The following SLC9A9 variants were observed in gnomAD, a reference collection of about 807,000 sequenced individuals.
The protein encoded by SLC9A9 is sodium/hydrogen exchanger 9.
In SLC9A9, 62 loss-of-function variants were observed where a neutral mutation model predicts 77.8. That is an observed-to-expected ratio of 0.80 (90% CI 0.65 to 0.98). The LOEUF is 0.98. Among genes scored for constraint, SLC9A9 ranks in the 50% least tolerant of loss-of-function variants. The pLI is 0.00. For synonymous variants in SLC9A9, 320 were observed against 283.5 expected, an observed-to-expected ratio of 1.13 and a Z score of -1.29; for missense variants, 775 against 774.9, an observed-to-expected ratio of 1.00 and a Z score of 0.00.
intron 4 of SLC9A9, among the ~76,000 whole-genome samples, chr3:143,727,918 G>A (rs147587396): frequency 3.9e-3 from 591 of 152,270 alleles, no homozygotes; most frequent in Admixed American, 8.2e-3. Context: ...TGTGCCAGAC[G>A]CTATATAGAG....
intron 9 of SLC9A9, among the ~76,000 whole-genome samples, chr3:143,534,624 A>C (rs761612414): frequency 6.6e-6 from 1 of 152,144 alleles, no homozygotes; most frequent in Non-Finnish European, 1.5e-5. Context: ...TACTCCCAGG[A>C]AGTGTCAGAA....
chr3:143,363,733 C>T (rs2032820671), intron 13 of SLC9A9, among the ~76,000 whole-genome samples, 170 bp from the exon 14 acceptor site: 1 of 152,160 alleles, frequency 6.6e-6, no homozygotes, highest in African/African-American at 2.4e-5. Flanking sequence ...GCTCATAAAT[C>T]TTGCTATGTG....
intron 14 of SLC9A9, among the ~76,000 whole-genome samples, chr3:143,277,034 G>A (rs1938071191): frequency 6.6e-6 from 1 of 152,204 alleles, no homozygotes; most frequent in Admixed American, 6.5e-5. Flanking sequence ...CCTATCAAAT[G>A]TTAAGATAAC....
chr3:143,629,202 T>A (rs758580721), intron 6 of SLC9A9, among the ~76,000 whole-genome samples: 42 of 152,270 alleles, frequency 2.8e-4, no homozygotes, highest in Non-Finnish European at 4.7e-4. Flanking sequence ...AAATAATTTA[T>A]CAATTAATAG....
In SLC9A9 at chr3:143,378,465, C is replaced by G. The variant is rs528399016; in HGVS notation, c.1524+3595G>C. 3.1e-4 allele frequency among the ~76,000 whole-genome samples: 47 copies of G among 152,214 alleles called. 2 individuals carry two copies. The South Asian group carries it at 9.7e-3, about 32-fold the overall frequency. The stretch of plus-strand genomic sequence containing the variant: ...TTATCTTGGAAATTAAGTGAGCAAA[C>G]GCATATAAGGTGCTCAGAGCAGTGT... On this transcript the variant is annotated intron_variant, in intron 13 of 15. Transcript: ENST00000316549.
chr3:143,560,325 T>G (rs1439033992), intron 8 of SLC9A9, among the ~76,000 whole-genome samples: 2 of 152,246 alleles, frequency 1.3e-5, no homozygotes, highest in East Asian at 3.8e-4. Context: ...GAGTTGGCTC[T>G]GACCTTGTAT....
At chr3:143,566,553 T>A in intron 8 of SLC9A9, among the ~76,000 whole-genome samples, 1 of 152,102 alleles carries the variant, frequency 6.6e-6, no homozygotes, top group Non-Finnish European at 1.5e-5. Flanking sequence ...CTTCTTTTTC[T>A]TCATATTTCT....
intron 12 of SLC9A9, among the ~76,000 whole-genome samples, chr3:143,398,101 C>G: frequency 6.6e-6 from 1 of 152,066 alleles, no homozygotes; most frequent in East Asian, 1.9e-4. Flanking sequence ...TGAACTTCCC[C>G]CCCGCCACCA....
At chr3:143,432,564 G>C (rs986339966) in intron 12 of SLC9A9, among the ~76,000 whole-genome samples, 2 of 152,054 alleles carry the variant, frequency 1.3e-5, no homozygotes, top group African/African-American at 4.8e-5. Context: ...AAACAAGCAG[G>C]CTGCCCTGGA....
At position 143,580,469 on chromosome 3, in the gene SLC9A9, G is replaced by A. The variant is rs114714003; in HGVS notation, c.756-1746C>T. Among the ~76,000 whole-genome samples, 1,187 of 152,124 alleles carry A rather than the reference G, an allele frequency of 7.8e-3. 14 individuals are homozygous for A. The highest frequency in any genetic ancestry group is 0.027 in the African/African-American group (1,138 of 41,516). ...GCCTGGTGCTTCTGGAATTCTGAGCGCTCCCATCACATCATTTGGCCATAC... is the reference window on the plus strand; with the variant it reads ...GCCTGGTGCTTCTGGAATTCTGAGCACTCCCATCACATCATTTGGCCATAC... On this transcript the variant is annotated intron_variant, in intron 6 of 15. Coordinates refer to ENST00000316549, the MANE Select transcript of SLC9A9 (RefSeq NM_173653.4).
chr3:143,564,869 T>C (rs78198853), intron 8 of SLC9A9, among the ~76,000 whole-genome samples: 3,019 of 152,294 alleles, frequency 0.02, 106 homozygotes, highest in African/African-American at 0.07. Context: ...ATATCCTCTA[T>C]GTAAATTCTT....
chr3:143,311,921 C>T (rs896079566), intron 14 of SLC9A9, among the ~76,000 whole-genome samples: 2 of 152,134 alleles, frequency 1.3e-5, no homozygotes, highest in Admixed American at 6.5e-5. Flanking sequence ...TTTGAAAATC[C>T]ATTACACTTC....
At chr3:143,625,615 C>G (rs2038308192) in intron 6 of SLC9A9, among the ~76,000 whole-genome samples, 1 of 152,136 alleles carries the variant, frequency 6.6e-6, no homozygotes, top group African/African-American at 2.4e-5. Context: ...AAAATTAATT[C>G]AAGATGGATT....
At chr3:143,406,978 G>GAAAAAAAAAAAAAAAAA (rs57344964) in intron 12 of SLC9A9, among the ~76,000 whole-genome samples, 1 of 69,368 alleles carries the variant, frequency 1.4e-5, no homozygotes, top group Non-Finnish European at 2.8e-5. Context: ...TCCATCTCGA[G>GAAAAAAAAAAAAAAAAA]AAAAAAAAAA....
intron 9 of SLC9A9, among the ~76,000 whole-genome samples, chr3:143,537,162 G>C (rs1486487577): frequency 6.6e-6 from 1 of 152,206 alleles, no homozygotes; most frequent in Admixed American, 6.5e-5. Context: ...CTTTCTAGAT[G>C]CTCAACTCTG....
chr3:143,570,947 GA>G (rs1253211796), intron 8 of SLC9A9, among the ~76,000 whole-genome samples: 4 of 151,858 alleles, frequency 2.6e-5, no homozygotes, highest in Non-Finnish European at 5.9e-5. Flanking sequence ...TTGGGTGTAC[GA>G]AAAAAATAAA....
At chr3:143,296,518 G>A (rs535540161) in intron 14 of SLC9A9, among the ~76,000 whole-genome samples, 1 of 152,338 alleles carries the variant, frequency 6.6e-6, no homozygotes, top group East Asian at 1.9e-4. Flanking sequence ...ATGCTGCAAT[G>A]AACATGGGAT....
chr3:143,766,301 C>T (rs79249222), intron 4 of SLC9A9, among the ~76,000 whole-genome samples: 2,069 of 152,168 alleles, frequency 0.014, 43 homozygotes, highest in African/African-American at 0.047. Flanking sequence ...GAAAGTGCCT[C>T]ATATTGAGGA....
intron 2 of SLC9A9, among the ~76,000 whole-genome samples, chr3:143,802,554 G>A (rs369216947): frequency 8.5e-5 from 13 of 152,298 alleles, no homozygotes; most frequent in South Asian, 4.1e-4. Context: ...GAAGGCCACC[G>A]TGGTCATTTC....
Sources: allele counts gnomAD v4.1 joint callset (sites outside exome capture counted in the v4.1 genomes callset), GRCh38; gene constraint gnomAD v4.1.1; transcripts MANE v1.5; gene names NCBI Gene and HGNC (gene_info 2026-07-23, HGNC 2026-07-21).